The following LHFPL6 variants were observed in gnomAD, a reference collection of about 807,000 sequenced individuals.
The protein encoded by LHFPL6 is LHFPL tetraspan subfamily member 6, also known as LHFPL tetraspan subfamily member 6 protein.
Under a neutral mutation model 20.6 loss-of-function variants are expected in LHFPL6, and 9 were observed. That is an observed-to-expected ratio of 0.44 (90% CI 0.26 to 0.76). LHFPL6 has a LOEUF of 0.76. Ranked by LOEUF, LHFPL6 falls within the 30% of genes least tolerant of loss-of-function variation. The pLI, the probability that LHFPL6 is intolerant of heterozygous loss-of-function variation, is 0.20. For missense variants in LHFPL6, 218 were observed against 253.5 expected (o/e 0.86, Z 0.95); for synonymous variants, 105 against 98.7 (o/e 1.06, Z -0.38).
chr13:39,347,639 C>G (rs1869445757), intron 3 of LHFPL6, among the ~76,000 whole-genome samples: 1 of 152,196 alleles, frequency 6.6e-6, no homozygotes, highest in South Asian at 2.1e-4. Context: ...GCATTTTTCA[C>G]TGGTAACCGA....
At chr13:39,555,421 T>C (rs1871277841) in intron 2 of LHFPL6, among the ~76,000 whole-genome samples, 1 of 151,960 alleles carries the variant, frequency 6.6e-6, no homozygotes, top group Admixed American at 6.6e-5. Flanking sequence ...GCACATATTA[T>C]AGCATTCAGA....
chr13:39,479,026 G>GAGAT (rs1281861866), intron 2 of LHFPL6, among the ~76,000 whole-genome samples: 1 of 138,806 alleles, frequency 7.2e-6, no homozygotes, highest in East Asian at 2.2e-4. Flanking sequence ...GCACCAATGG[G>GAGAT]AGATAGATAT....
At chr13:39,475,735 C>A (rs944640298) in intron 2 of LHFPL6, among the ~76,000 whole-genome samples, 5 of 152,096 alleles carry the variant, frequency 3.3e-5, no homozygotes, top group African/African-American at 1.2e-4. Context: ...TGCCAGTGTA[C>A]ACGAGAAATA....
chr13:39,345,526 A>AG (rs1869374918), intron 3 of LHFPL6, among the ~76,000 whole-genome samples: 1 of 127,228 alleles, frequency 7.9e-6, no homozygotes, highest in Non-Finnish European at 1.6e-5. Flanking sequence ...AAAAAAAAAA[A>AG]AAAAAAAAAA....
At chr13:39,477,976 C>T (rs1356230780) in intron 2 of LHFPL6, among the ~76,000 whole-genome samples, 2 of 152,110 alleles carry the variant, frequency 1.3e-5, no homozygotes, top group Non-Finnish European at 2.9e-5. Context: ...AGGTTACAAG[C>T]CAAGTTACTG....
intron 2 of LHFPL6, among the ~76,000 whole-genome samples, chr13:39,516,457 C>T (rs1869921792): frequency 6.6e-6 from 1 of 152,228 alleles, no homozygotes; most frequent in Non-Finnish European, 1.5e-5. Flanking sequence ...AGGAGATTAT[C>T]ATAATTGATC....
At chr13:39,418,779 TC>T (rs1338615772) in intron 2 of LHFPL6, among the ~76,000 whole-genome samples, 4 of 152,212 alleles carry the variant, frequency 2.6e-5, no homozygotes, top group Non-Finnish European at 5.9e-5. Flanking sequence ...GCTTTGCCTT[TC>T]CTATCTTCTA....
rs987741951 is a variant in LHFPL6 at position 39,360,788 on chromosome 13, A to G, written c.485-16734T>C. Reference sequence around the variant, plus strand: ...AAAAAAAAACCTTTCTGAATTACAAATGCATTCTTTTATATTCAATGGTAT... The same window carrying G: ...AAAAAAAAACCTTTCTGAATTACAAGTGCATTCTTTTATATTCAATGGTAT... On this transcript the variant is annotated intron_variant, in intron 3 of 3. Transcript: ENST00000379589. 1.0e-4 allele frequency among the ~76,000 whole-genome samples: 10 copies of G among 95,384 alleles called. 2 individuals are homozygous for G. The highest frequency in any genetic ancestry group is 2.4e-4 in the Admixed American group (2 of 8,288). The allele number at this position is 95,384 out of a possible 152,430, so 62.6% of individuals were successfully genotyped here.
intron 2 of LHFPL6, among the ~76,000 whole-genome samples, chr13:39,531,939 G>A (rs1410850535): frequency 6.6e-6 from 1 of 152,048 alleles, no homozygotes; most frequent in Non-Finnish European, 1.5e-5. Context: ...TGGCTTTCGT[G>A]TTTTCAAGTA....
chr13:39,557,573 G>GT, intron 2 of LHFPL6, among the ~76,000 whole-genome samples: 1 of 152,356 alleles, frequency 6.6e-6, no homozygotes, highest in Non-Finnish European at 1.5e-5. Flanking sequence ...AGTAGATACG[G>GT]TGGCAGATCT....
intron 2 of LHFPL6, among the ~76,000 whole-genome samples, chr13:39,412,146 A>G (rs940605004): frequency 1.3e-5 from 2 of 152,204 alleles, no homozygotes; most frequent in Non-Finnish European, 1.5e-5. Flanking sequence ...TTTTAGGTCT[A>G]TTTATTACCA....
intron 2 of LHFPL6, among the ~76,000 whole-genome samples, chr13:39,446,328 A>G (rs1872289630): frequency 6.6e-6 from 1 of 152,196 alleles, no homozygotes. Context: ...ACCACTCAGA[A>G]CCATTTAGTT....
At chr13:39,580,875 A>C (rs1382250376) in intron 2 of LHFPL6, among the ~76,000 whole-genome samples, 1 of 152,252 alleles carries the variant, frequency 6.6e-6, no homozygotes, top group Non-Finnish European at 1.5e-5. Flanking sequence ...CTGTCTGTCC[A>C]GATCCTCTGT....
chr13:39,430,798 T>C (rs59107071), intron 2 of LHFPL6, among the ~76,000 whole-genome samples: 26,975 of 151,958 alleles, frequency 0.18, 2,713 homozygotes, highest in African/African-American at 0.28. Flanking sequence ...TCTGTAAAAA[T>C]GGACCAATCA....
intron 3 of LHFPL6, among the ~76,000 whole-genome samples, chr13:39,365,002 G>A (rs1869974124): frequency 6.6e-6 from 1 of 152,188 alleles, no homozygotes; most frequent in South Asian, 2.1e-4. Flanking sequence ...AACTGACACA[G>A]AATCTGATCT....
intron 3 of LHFPL6, among the ~76,000 whole-genome samples, chr13:39,347,754 C>T (rs1434998886): frequency 6.6e-6 from 1 of 152,168 alleles, no homozygotes; most frequent in Non-Finnish European, 1.5e-5. Flanking sequence ...ATTAAATACA[C>T]CTATGAGGGG....
intron 2 of LHFPL6, among the ~76,000 whole-genome samples, chr13:39,388,620 G>A (rs1870626998): frequency 6.6e-6 from 1 of 152,078 alleles, no homozygotes; most frequent in Non-Finnish European, 1.5e-5. Context: ...GGAGGGGGAG[G>A]TAACACCTTG....
intron 3 of LHFPL6, among the ~76,000 whole-genome samples, chr13:39,370,157 G>A (rs1870128198): frequency 6.6e-6 from 1 of 152,274 alleles, no homozygotes; most frequent in East Asian, 1.9e-4. Flanking sequence ...TGCCTTGCGG[G>A]TGCCTGAACA....
chr13:39,392,704 A>T lies in LHFPL6; in HGVS notation c.386-14178T>A, dbSNP rs369621305. Among the ~76,000 whole-genome samples, 6 of 152,196 alleles carry T rather than the reference A, an allele frequency of 3.9e-5. No individual in the cohort carries two copies. In the East Asian group the frequency reaches 1.2e-3, roughly 29 times the overall value. ...TCATTTTCAGCCTGATCTTTTAATT[A>T]TCTCAATATGAATTTTCCACAAACA... On this transcript the variant is annotated intron_variant, in intron 2 of 3. Coordinates refer to ENST00000379589, the MANE Select transcript of LHFPL6 (RefSeq NM_005780.3).
Sources: gnomAD v4.1 joint callset for allele counts (sites outside exome capture counted in the v4.1 genomes callset) on GRCh38, gnomAD v4.1.1 for gene constraint, MANE v1.5 for transcripts, NCBI Gene and HGNC (gene_info 2026-07-23, HGNC 2026-07-21) for gene names.